The following LSAMP variants were observed in gnomAD, a reference collection of about 807,000 sequenced individuals.
LSAMP encodes the protein limbic system associated membrane protein.
Under a neutral mutation model 38.6 loss-of-function variants are expected in LSAMP, and 7 were observed. That is an observed-to-expected ratio of 0.18 (90% CI 0.10 to 0.34). The LOEUF is 0.34. LSAMP is among the 10% of genes least tolerant of loss of function. The probability of loss-of-function intolerance (pLI) is 1.00; values close to 1 mark genes in which losing one functional copy is unlikely to be tolerated. For missense variants in LSAMP, 313 were observed against 420.0 expected (o/e 0.75, Z 2.23); for synonymous variants, 154 against 166.8 (o/e 0.92, Z 0.59).
chr3:115,880,753 T>A lies in LSAMP; in HGVS notation c.515-28136A>T, dbSNP rs1936299594. 3.3e-5 allele frequency among the ~76,000 whole-genome samples: 5 copies of A among 152,216 alleles called. No individual in the cohort carries two copies. In the South Asian group the frequency reaches 1.0e-3, roughly 32 times the overall value. On this transcript the variant is annotated intron_variant, in intron 3 of 6. Transcript: ENST00000490035. ...CTATATTAAAATAATGTACATAGGC[T>A]GGGTGTGGTGGCTCATGCCAGTAAT...
chr3:115,904,970 A>T (rs1216707772), intron 3 of LSAMP, among the ~76,000 whole-genome samples: 2 of 152,126 alleles, frequency 1.3e-5, no homozygotes, highest in African/African-American at 2.4e-5. Flanking sequence ...TCTGCTTATT[A>T]TAACAGTTTG....
intron 2 of LSAMP, among the ~76,000 whole-genome samples, chr3:116,043,787 T>C (rs1941227373): frequency 1.3e-5 from 2 of 152,048 alleles, no homozygotes; most frequent in African/African-American, 4.8e-5. Flanking sequence ...CTACTAAATA[T>C]ACAAAAAATT....
chr3:115,969,508 G>A (rs2107608518), intron 3 of LSAMP, among the ~76,000 whole-genome samples: 1 of 152,222 alleles, frequency 6.6e-6, no homozygotes, highest in Non-Finnish European at 1.5e-5. Context: ...TCACAGACTT[G>A]CAATCCAAAT....
chr3:116,126,282 C>T (rs1281355722), intron 1 of LSAMP, among the ~76,000 whole-genome samples: 1 of 152,180 alleles, frequency 6.6e-6, no homozygotes, highest in Admixed American at 6.5e-5. Flanking sequence ...CTAGGTACCA[C>T]AGTGAAGCTG....
At chr3:116,386,612 G>C (rs2048629635) in intron 1 of LSAMP, among the ~76,000 whole-genome samples, 1 of 152,140 alleles carries the variant, frequency 6.6e-6, no homozygotes, top group Non-Finnish European at 1.5e-5. Context: ...AGGTAGGAAT[G>C]CAGACGCACA....
At position 115,807,039 on chromosome 3, in the gene LSAMP, G is replaced by C. The variant is rs1449436890; in HGVS notation, c.*3278C>G. ...AATATATTAGCCACTCAGATTAATT[G>C]ATGAATTTCACTCCTCTCAGTATAT... On this transcript the variant is annotated 3_prime_UTR_variant, in exon 7 of 7. Transcript: ENST00000490035. 1.3e-5 allele frequency: 2 copies of C among 152,136 alleles called. No individual in the cohort carries two copies. The highest frequency in any genetic ancestry group is 2.4e-5 in the African/African-American group (1 of 41,438). 9.4% of individuals were successfully genotyped at this position (152,136 alleles called of 1,614,324 possible).
intron 3 of LSAMP, among the ~76,000 whole-genome samples, chr3:115,992,022 G>A (rs988265683): frequency 6.6e-6 from 1 of 152,022 alleles, no homozygotes; most frequent in African/African-American, 2.4e-5. Context: ...GTTTTGAAAG[G>A]GGGCGGGTGG....
intron 2 of LSAMP, among the ~76,000 whole-genome samples, chr3:116,049,353 CCTT>C (rs1446120309): frequency 6.6e-6 from 1 of 152,164 alleles, no homozygotes; most frequent in Non-Finnish European, 1.5e-5. Context: ...GTAGTCTCTA[CCTT>C]CTTAAGTGTG....
chr3:116,061,983 TAC>T (rs1553700271), intron 2 of LSAMP, among the ~76,000 whole-genome samples: 5 of 152,234 alleles, frequency 3.3e-5, no homozygotes, highest in Non-Finnish European at 7.3e-5. Context: ...TCCAAATAAT[TAC>T]AACATTTTTT....
At chr3:116,139,066 T>C (rs1192903641) in intron 1 of LSAMP, among the ~76,000 whole-genome samples, 1 of 151,852 alleles carries the variant, frequency 6.6e-6, no homozygotes, top group Non-Finnish European at 1.5e-5. Context: ...TAAGTATATA[T>C]AATATACATT....
chr3:116,218,073 G>A (rs927919630), intron 1 of LSAMP, among the ~76,000 whole-genome samples: 4 of 152,124 alleles, frequency 2.6e-5, no homozygotes, highest in Admixed American at 6.5e-5. Context: ...CTGTGGATCC[G>A]TGGTCTTGGT....
intron 1 of LSAMP, among the ~76,000 whole-genome samples, chr3:116,358,658 A>T (rs904133949): frequency 6.6e-5 from 10 of 152,220 alleles, no homozygotes; most frequent in Admixed American, 2.0e-4. Context: ...TGACTGATTT[A>T]CTAGATGAAA....
intron 1 of LSAMP, among the ~76,000 whole-genome samples, chr3:116,355,766 G>T (rs1444852614): frequency 6.6e-6 from 1 of 152,114 alleles, no homozygotes; most frequent in African/African-American, 2.4e-5. Flanking sequence ...ATGGGCAAAA[G>T]ATCTGAATGG....
chr3:115,990,495 G>A (rs1939636984), intron 3 of LSAMP, among the ~76,000 whole-genome samples: 2 of 152,144 alleles, frequency 1.3e-5, no homozygotes, highest in Non-Finnish European at 2.9e-5. Context: ...TCATGTGTAA[G>A]AGAAGTTTCC....
At chr3:116,014,532 G>C (rs576184157) in intron 3 of LSAMP, among the ~76,000 whole-genome samples, 4 of 152,008 alleles carry the variant, frequency 2.6e-5, no homozygotes, top group African/African-American at 9.7e-5. Flanking sequence ...GCAATTAATA[G>C]AATAAATTGA....
intron 1 of LSAMP, among the ~76,000 whole-genome samples, chr3:116,109,099 G>A (rs995728654): frequency 6.6e-6 from 1 of 152,180 alleles, no homozygotes; most frequent in Non-Finnish European, 1.5e-5. Flanking sequence ...TGCCAAACGA[G>A]TCATGAACTG....
chr3:116,435,867 G>A (rs573256068), intron 1 of LSAMP, among the ~76,000 whole-genome samples: 4 of 152,146 alleles, frequency 2.6e-5, no homozygotes, highest in Non-Finnish European at 5.9e-5. Context: ...CCAGGCAGAA[G>A]TTCATAAATA....
At position 116,246,738 on chromosome 3, in the gene LSAMP, G is replaced by A. The variant is rs923063794; in HGVS notation, c.156-160182C>T. Among the ~76,000 whole-genome samples the A allele has an allele frequency of 1.1e-4, 16 of 152,250 alleles. 1 individual carries two copies. The highest frequency in any genetic ancestry group is 6.5e-4 in the Admixed American group (10 of 15,292). ...AGTTACATCCAAAGTGATGCATATG[G>A]CAGGGTGAGGGAAGGGAGAAGCAGT... On this transcript the variant is annotated intron_variant, in intron 1 of 6. Coordinates refer to ENST00000490035, the MANE Select transcript of LSAMP (RefSeq NM_002338.5).
chr3:115,918,707 G>GTT (rs11391475), intron 3 of LSAMP, among the ~76,000 whole-genome samples: 21,580 of 135,110 alleles, frequency 0.16, 1,976 homozygotes, highest in East Asian at 0.25. Context: ...TAAAGAACAG[G>GTT]TTTTTTTTTT....
Sources: gnomAD v4.1 joint callset for allele counts (sites outside exome capture counted in the v4.1 genomes callset) on GRCh38, gnomAD v4.1.1 for gene constraint, MANE v1.5 for transcripts, NCBI Gene and HGNC (gene_info 2026-07-23, HGNC 2026-07-21) for gene names.